PXDNL: variants seen among roughly 807,000 people sequenced by gnomAD.
PXDNL encodes the protein peroxidasin like, also known as probable oxidoreductase PXDNL.
A neutral mutation model predicts 150.8 loss-of-function variants in PXDNL; 145 were observed. That is an observed-to-expected ratio of 0.96 (90% CI 0.84 to 1.10). The LOEUF (loss-of-function observed/expected upper bound fraction) is 1.10, where lower values mean the gene tolerates loss of function less well. Ranked by LOEUF, PXDNL falls within the 50% of genes least tolerant of loss-of-function variation. The pLI is 0.00. For synonymous variants in PXDNL, 757 were observed against 725.7 expected (o/e 1.04, Z -0.69); for missense variants, 2,087 against 1,873.9 (o/e 1.11, Z -2.10).
At chr8:51,550,225 A>G (rs969593115) in intron 4 of PXDNL, among the ~76,000 whole-genome samples, 2 of 152,202 alleles carry the variant, frequency 1.3e-5, no homozygotes, top group Admixed American at 6.5e-5. Flanking sequence ...GTCCAGGACC[A>G]GATGGATTCA....
intron 3 of PXDNL, among the ~76,000 whole-genome samples, chr8:51,589,995 C>T (rs1813408106): frequency 6.6e-6 from 1 of 152,122 alleles, no homozygotes; most frequent in African/African-American, 2.4e-5. Context: ...GCTACCCCTT[C>T]CCATCGCAGG....
chr8:51,409,026 G>T lies in PXDNL; in HGVS notation c.2598C>A (p.Ser866Arg). 1 of 1,610,472 alleles carries T rather than the reference G, an allele frequency of 6.2e-7. No homozygotes were observed. Among genetic ancestry groups the T allele is most frequent in the South Asian group, 1.1e-5 (1 of 91,034 alleles). ...HAPCMLFARS[S>R]PACASGRPSA... Reference sequence around the variant, plus strand: ...AGGGACGGCCGCTGGCACACGCGGGGCTGGAGCGCGCGAAGAGCATGCAGG... The same window carrying T: ...AGGGACGGCCGCTGGCACACGCGGGTCTGGAGCGCGCGAAGAGCATGCAGG... Residue 866 changes from serine (S) to arginine (R), a missense_variant, in exon 17 of 23, where the codon AGC becomes AGA. Physicochemically the swap from Ser to Arg is moderately radical, Grantham distance 110. Transcript: ENST00000356297.
intron 2 of PXDNL, 38 bp from the exon 3 acceptor site, chr8:51,592,736 G>A: frequency 7.1e-7 from 1 of 1,408,684 alleles, no homozygotes; most frequent in Non-Finnish European, 9.7e-7. Context: ...TCCCAAATGA[G>A]AAACAGACTC....
At position 51,320,866 on chromosome 8, in the gene PXDNL, G is replaced by A. The variant is rs1805295757; in HGVS notation, c.4178C>T (p.Ala1393Val). The A allele has an allele frequency of 6.2e-7, 1 of 1,613,842 alleles. No homozygotes were observed. ...AACCCCTCTAACATCTGTACACCCT[G>A]CCTGCCTCAGGCGTGCCTCCAGCTT... ...INKLEARLRQAGCTDVRGVPR... is the reference protein window; with the variant it reads ...INKLEARLRQVGCTDVRGVPR... The change falls in exon 22 of 23, where the codon GCA becomes GTA. Residue 1393 changes from alanine to valine, a missense_variant. Ala to Val is a moderately conservative substitution (Grantham distance 64). Transcript: ENST00000356297.
At chr8:51,426,581 A>C (rs1180318589) in intron 13 of PXDNL, 65 bp downstream of exon 13, 6 of 888,752 alleles carry the variant, frequency 6.8e-6, no homozygotes, top group Non-Finnish European at 8.8e-6. Context: ...CATTACCTCC[A>C]TTTCAGTGGG....
chr8:51,494,452 G>C (rs1444193855), intron 5 of PXDNL, among the ~76,000 whole-genome samples: 3 of 151,884 alleles, frequency 2.0e-5, no homozygotes, highest in Non-Finnish European at 2.9e-5. Flanking sequence ...ATGTAAATGG[G>C]CTAAATGCTC....
chr8:51,580,693 A>T (rs922529867), intron 3 of PXDNL, among the ~76,000 whole-genome samples: 2 of 152,182 alleles, frequency 1.3e-5, no homozygotes, highest in African/African-American at 4.8e-5. Flanking sequence ...AAAAGTAGCT[A>T]AAAAATTCCT....
At chr8:51,732,659 T>C (rs1816956262) in intron 1 of PXDNL, among the ~76,000 whole-genome samples, 1 of 152,188 alleles carries the variant, frequency 6.6e-6, no homozygotes, top group African/African-American at 2.4e-5. Flanking sequence ...AGAGGTTTAA[T>C]GGACTCACAT....
chr8:51,583,155 T>C (rs560681841), intron 3 of PXDNL, among the ~76,000 whole-genome samples: 5 of 152,288 alleles, frequency 3.3e-5, no homozygotes, highest in South Asian at 2.1e-4. Flanking sequence ...TGTTAGTCCA[T>C]TGGCATCGCT....
At chr8:51,638,624 AG>A (rs1386509141) in intron 2 of PXDNL, among the ~76,000 whole-genome samples, 1 of 152,222 alleles carries the variant, frequency 6.6e-6, no homozygotes, top group East Asian at 1.9e-4. Context: ...ATAACAGTAA[AG>A]GGATCAATTC....
At chr8:51,420,401 T>A (rs1317843093) in intron 14 of PXDNL, among the ~76,000 whole-genome samples, 1 of 152,224 alleles carries the variant, frequency 6.6e-6, no homozygotes, top group Admixed American at 6.5e-5. Flanking sequence ...TTGTCTTGGA[T>A]CTTAAATTTA....
chr8:51,741,480 C>T (rs543145212), intron 1 of PXDNL, among the ~76,000 whole-genome samples: 1 of 151,902 alleles, frequency 6.6e-6, no homozygotes, highest in Non-Finnish European at 1.5e-5. Context: ...CAAGTTTATT[C>T]TAAGTTTTAC....
intron 1 of PXDNL, among the ~76,000 whole-genome samples, chr8:51,698,533 G>C (rs1033159748): frequency 3.3e-5 from 5 of 152,178 alleles, no homozygotes; most frequent in African/African-American, 1.2e-4. Context: ...CACATCTGCA[G>C]TTATTTCTTC....
intron 2 of PXDNL, among the ~76,000 whole-genome samples, chr8:51,641,852 C>G (rs547426161): frequency 0.011 from 1,686 of 152,196 alleles, 38 homozygotes; most frequent in African/African-American, 0.039. Context: ...CATCCCATTA[C>G]TGGGTATATA....
intron 2 of PXDNL, among the ~76,000 whole-genome samples, chr8:51,637,957 T>A (rs1814644592): frequency 6.6e-6 from 1 of 152,244 alleles, no homozygotes; most frequent in African/African-American, 2.4e-5. Flanking sequence ...GAGAGAAAGG[T>A]CGGGTTACCC....
intron 2 of PXDNL, among the ~76,000 whole-genome samples, chr8:51,616,528 G>C (rs1429370459): frequency 6.6e-6 from 1 of 152,168 alleles, no homozygotes; most frequent in Admixed American, 6.5e-5. Flanking sequence ...TGGTCCCTGG[G>C]TATCTGTGAG....
chr8:51,334,653 C>T (rs1369299214), intron 21 of PXDNL, among the ~76,000 whole-genome samples: 1 of 152,178 alleles, frequency 6.6e-6, no homozygotes, highest in Non-Finnish European at 1.5e-5. Context: ...ACTGACACCA[C>T]CGGAATGCAA....
chr8:51,592,717 A>G lies in PXDNL; in HGVS notation c.237-19T>C, dbSNP rs1348650092. 1 of 1,524,148 alleles carries G rather than the reference A, an allele frequency of 6.6e-7. No homozygotes were observed. The highest frequency in any genetic ancestry group is 8.9e-7 in the Non-Finnish European group (1 of 1,128,976). 94.4% of individuals were successfully genotyped at this position (1,524,148 alleles called of 1,614,324 possible). A position where few individuals can be genotyped will look rare whatever the true frequency, so the allele number is the denominator to read the frequency against. ...CAGCAGACTGAAAAAGCAAAAACAA[A>G]CAAATAATTCCCAAATGAGAAACAG... On this transcript the variant is annotated intron_variant, in intron 2 of 22. Transcript: ENST00000356297.
At chr8:51,713,319 C>T (rs1816538019) in intron 1 of PXDNL, among the ~76,000 whole-genome samples, 1 of 152,190 alleles carries the variant, frequency 6.6e-6, no homozygotes, top group African/African-American at 2.4e-5. Context: ...TTTGATATGC[C>T]TGTCTTTTTT....
Sources: allele counts gnomAD v4.1 joint callset (sites outside exome capture counted in the v4.1 genomes callset), GRCh38; gene constraint gnomAD v4.1.1; transcripts MANE v1.5; gene names NCBI Gene and HGNC (gene_info 2026-07-23, HGNC 2026-07-21).